Variants in APOOL observed in about 807,000 individuals in gnomAD.
APOOL encodes apolipoprotein O like.
APOOL carries 12 observed loss-of-function variants against 23.1 expected under a neutral mutation model. The observed-to-expected ratio is 0.52, with a 90% CI of 0.33 to 0.84. The LOEUF (loss-of-function observed/expected upper bound fraction) is 0.84, where lower values mean the gene tolerates loss of function less well. Among genes scored for constraint, APOOL ranks in the 40% least tolerant of loss-of-function variants. APOOL has a pLI of 0.02. For synonymous variants in APOOL, 77 were observed against 69.9 expected (o/e 1.10, Z -0.51); for missense variants, 212 against 199.6 (o/e 1.06, Z -0.37).
At position 85,023,363 on chromosome X, in the gene APOOL, A is replaced by G. The variant is rs369300767; in HGVS notation, c.15+19436A>G. ...TACTTAGAAATAAATTTAGCCAAGT[A>G]AGTGAAAGATCTTCACACTGAAAAC... On this transcript the variant is annotated intron_variant, in intron 1 of 8. Transcript: ENST00000373173. Among the ~76,000 whole-genome samples, 4 of 112,199 alleles carry G rather than the reference A, an allele frequency of 3.6e-5. No homozygotes were observed. The South Asian group carries it at 1.5e-3, about 41-fold the overall frequency.
At chrX:85,018,049 G>A (rs1439347130) in intron 1 of APOOL, among the ~76,000 whole-genome samples, 1 of 112,200 alleles carries the variant, frequency 8.9e-6, no homozygotes, top group Admixed American at 9.4e-5. Flanking sequence ...CTTCCTATTT[G>A]CTATTTTCCT....
chrX:85,076,471 C>G (rs1371049936), intron 8 of APOOL, among the ~76,000 whole-genome samples: 1 of 109,905 alleles, frequency 9.1e-6, no homozygotes, highest in Admixed American at 9.8e-5. Flanking sequence ...TCTCCTCATT[C>G]AACAAAAAGG....
rs759646746 is a variant in APOOL, at chrX:85,093,252, A to T, written c.*5574A>T. 4.4e-6 allele frequency: 5 copies of T among 1,145,558 alleles called. No homozygotes were observed. The highest frequency in any genetic ancestry group is 4.7e-6 in the Non-Finnish European group (4 of 856,507). 94.4% of individuals were successfully genotyped at this position (1,145,558 alleles called of 1,213,427 possible). A position where few individuals can be genotyped will look rare whatever the true frequency, so the allele number is the denominator to read the frequency against. ...TTTTAAATAGACAATGCAAAGTGAA[A>T]ACTGCAAATTTCACTTAACTTGTTA... On this transcript the variant is annotated 3_prime_UTR_variant, in exon 9 of 9. Coordinates refer to ENST00000373173, the MANE Select transcript of APOOL (RefSeq NM_198450.6).
At position 85,034,720 on chromosome X, in the gene APOOL, T is replaced by A. The variant is rs557042645; in HGVS notation, c.16-11726T>A. Reference sequence around the variant, plus strand: ...TAAGTGAGAACATGCAGTATTTGATTTTCTGTTCCTGCATTAATTCAGTTA... The same window carrying A: ...TAAGTGAGAACATGCAGTATTTGATATTCTGTTCCTGCATTAATTCAGTTA... On this transcript the variant is annotated intron_variant, in intron 1 of 8. Coordinates refer to ENST00000373173, the MANE Select transcript of APOOL (RefSeq NM_198450.6). 3.3e-4 allele frequency among the ~76,000 whole-genome samples: 37 copies of A among 112,457 alleles called. No individual in the cohort carries two copies. The South Asian group carries it at 0.013, about 40-fold the overall frequency.
intron 1 of APOOL, among the ~76,000 whole-genome samples, chrX:85,017,407 C>T (rs1033026093): frequency 2.7e-5 from 3 of 111,707 alleles, no homozygotes; most frequent in African/African-American, 9.8e-5. Context: ...TCAGACCTGC[C>T]CTGGGCCATA....
At chrX:85,031,973 G>A (rs1171184975) in intron 1 of APOOL, among the ~76,000 whole-genome samples, 1 of 111,317 alleles carries the variant, frequency 9.0e-6, no homozygotes, top group Admixed American at 9.6e-5. Context: ...CCTCTCCCAC[G>A]TTTCCACCAG....
At chrX:85,081,846 A>C (rs911811884) in intron 8 of APOOL, among the ~76,000 whole-genome samples, 2 of 110,936 alleles carry the variant, frequency 1.8e-5, no homozygotes, top group Non-Finnish European at 3.8e-5. Flanking sequence ...ATTTTTCATT[A>C]ATTCAGTCAC....
At chrX:85,065,414 G>C (rs1001525435) in intron 5 of APOOL, among the ~76,000 whole-genome samples, 11 of 111,639 alleles carry the variant, frequency 9.9e-5, no homozygotes, top group African/African-American at 3.3e-4. Flanking sequence ...ATTTGATCCT[G>C]TCATAATGAT....
At chrX:85,056,072 A>G (rs1390171600) in intron 5 of APOOL, 147 bp downstream of exon 5, 4 of 387,042 alleles carry the variant, frequency 1.0e-5, no homozygotes, top group Non-Finnish European at 1.7e-5. Flanking sequence ...CAGCATGCTT[A>G]CTTTTATAAG....
rs746752710 is a variant in APOOL at position 85,087,572 on chromosome X, A to G, written c.719-18A>G. On this transcript the variant is annotated intron_variant, in intron 8 of 8. Coordinates refer to ENST00000373173, the MANE Select transcript of APOOL (RefSeq NM_198450.6). The stretch of plus-strand genomic sequence containing the variant: ...TGTTAAGTGACTAATTTTTCTTTTC[A>G]TTTTAATACTTTATCAGGTGCAACC... 9 of 1,174,316 alleles carry G rather than the reference A, an allele frequency of 7.7e-6. No homozygotes were observed. Among genetic ancestry groups the G allele is most frequent in the Non-Finnish European group, 8.0e-6 (7 of 876,036 alleles).
At chrX:85,069,205 A>C (rs1012086786) in intron 6 of APOOL, among the ~76,000 whole-genome samples, 2 of 110,508 alleles carry the variant, frequency 1.8e-5, no homozygotes, top group African/African-American at 3.3e-5. Flanking sequence ...CCTGAGATCC[A>C]TGATGGACTT....
At chrX:85,069,490 A>G in intron 6 of APOOL, among the ~76,000 whole-genome samples, 1 of 108,550 alleles carries the variant, frequency 9.2e-6, no homozygotes. Flanking sequence ...GGCGCCTGCA[A>G]TTCCATCTAC....
chrX:85,032,412 G>A (rs1303170598), intron 1 of APOOL, among the ~76,000 whole-genome samples: 1 of 110,890 alleles, frequency 9.0e-6, no homozygotes, highest in Non-Finnish European at 1.9e-5. Context: ...TACCTGGGAG[G>A]CTGAGGCAGG....
intron 3 of APOOL, among the ~76,000 whole-genome samples, chrX:85,051,712 C>T (rs956582468): frequency 1.8e-5 from 2 of 111,899 alleles, no homozygotes; most frequent in African/African-American, 3.2e-5. Flanking sequence ...ACAGAGGTGG[C>T]CCAGTGGGGT....
At chrX:85,061,600 T>C (rs1011720528) in intron 5 of APOOL, among the ~76,000 whole-genome samples, 1 of 111,876 alleles carries the variant, frequency 8.9e-6, no homozygotes, top group Admixed American at 9.5e-5. Context: ...TCTTCCTGGT[T>C]TAGTCTTGGG....
intron 1 of APOOL, among the ~76,000 whole-genome samples, chrX:85,037,432 G>A (rs757348127): frequency 2.0e-3 from 220 of 111,586 alleles, no homozygotes; most frequent in African/African-American, 6.8e-3. Flanking sequence ...CATATGAGAC[G>A]TGCCTTTCAC....
chrX:85,079,115 T>C (rs1205343011), intron 8 of APOOL, among the ~76,000 whole-genome samples: 1 of 111,833 alleles, frequency 8.9e-6, no homozygotes, highest in Non-Finnish European at 1.9e-5. Context: ...TGGCCAGAAC[T>C]TCCAACACCA....
At position 85,003,912 on chromosome X, in the gene APOOL, C is replaced by T; in HGVS notation, c.-1C>T. 2 of 1,211,608 alleles carry T rather than the reference C, an allele frequency of 1.7e-6. No individual in the cohort carries two copies. Among genetic ancestry groups the T allele is most frequent in the Non-Finnish European group, 2.2e-6 (2 of 895,338 alleles). ...AAACCTTGGCCGAAAGGGTTGTAGA[C>T]ATGGCGGCCATCAGGGTAAGCGAAA... On this transcript the variant is annotated 5_prime_UTR_variant, in exon 1 of 9. Coordinates refer to ENST00000373173, the MANE Select transcript of APOOL (RefSeq NM_198450.6).
chrX:85,034,510 A>G (rs988723758), intron 1 of APOOL, among the ~76,000 whole-genome samples: 10 of 110,226 alleles, frequency 9.1e-5, no homozygotes, highest in Admixed American at 8.7e-4. Flanking sequence ...GTACATGTGC[A>G]GGTTTGTTAC....
Sources: allele counts gnomAD v4.1 joint callset (sites outside exome capture counted in the v4.1 genomes callset), GRCh38; gene constraint gnomAD v4.1.1; transcripts MANE v1.5; gene names NCBI Gene and HGNC (gene_info 2026-07-23, HGNC 2026-07-21).